TRPM2: variants seen among roughly 807,000 people sequenced by gnomAD.
TRPM2 encodes the protein estrogen-responsive element-associated gene 1 protein.
In TRPM2, 161 loss-of-function variants were observed where a neutral mutation model predicts 174.0. That is an observed-to-expected ratio of 0.93 (90% confidence interval 0.81 to 1.05). The LOEUF (loss-of-function observed/expected upper bound fraction) is 1.05, where lower values mean the gene tolerates loss of function less well. TRPM2 is among the 50% of genes least tolerant of loss of function. The pLI is 0.00. For missense variants in TRPM2, 2,057 were observed against 2,038.0 expected (o/e 1.01, Z -0.18); for synonymous variants, 954 against 861.3 (o/e 1.11, Z -1.88).
chr21:44,397,776 C>G lies in TRPM2; in HGVS notation c.1962C>G (p.Ala654=). 6.2e-7 allele frequency: 1 copy of G among 1,601,744 alleles called. No individual in the cohort carries two copies. The highest frequency in any genetic ancestry group is 8.5e-7 in the Non-Finnish European group (1 of 1,174,386). ...AGGACTGCATCGCAGCGGCCTTGGCCTGCAGCAAGATCCTGAAGGAACTGT... is the reference window on the plus strand; with the variant it reads ...AGGACTGCATCGCAGCGGCCTTGGCGTGCAGCAAGATCCTGAAGGAACTGT... The part of the protein sequence containing the change: ...QSQDCIAAAL[A]CSKILKELSK... The change falls in exon 13 of 32, where the codon GCC becomes GCG. Residue 654 remains alanine, a synonymous_variant. Transcript: ENST00000397928.
chr21:44,355,031 A>G (rs1027021579), intron 2 of TRPM2, among the ~76,000 whole-genome samples: 8 of 152,070 alleles, frequency 5.3e-5, no homozygotes, highest in African/African-American at 1.9e-4. Context: ...TGGTGTGAAC[A>G]CAGATGCATC....
At chr21:44,426,366 T>C (rs1022131434) in intron 25 of TRPM2, among the ~76,000 whole-genome samples, 2 of 152,106 alleles carry the variant, frequency 1.3e-5, no homozygotes, top group Non-Finnish European at 2.9e-5. Flanking sequence ...TCCTTGCCTC[T>C]AGGGTCCAGC....
Position 44,366,882 on chromosome 21 carries a change from G to A in TRPM2, c.552G>A (p.Pro184=). The A allele has an allele frequency of 1.9e-6, 3 of 1,612,624 alleles. No homozygotes were observed. The highest frequency in any genetic ancestry group is 2.5e-6 in the Non-Finnish European group (3 of 1,179,060). Residue 184 remains proline (P), a synonymous_variant, in exon 4 of 32, where the codon CCG becomes CCA. Transcript: ENST00000397928. This position sits in a 1 kb window ranked among gnomAD's most constrained non-coding sequence, Gnocchi z 6.0. ...GGGCCAAGAACTTCAACATGAAGCC[G>A]CGGCTGAAGAGCATTTTCCGCAGAG... ...TGGAKNFNMK[P]RLKSIFRRGL... is the part of the protein sequence containing the mutation.
chr21:44,423,771 T>TG, intron 23 of TRPM2, 39 bp downstream of exon 23: 1 of 1,531,112 alleles, frequency 6.5e-7, no homozygotes, highest in Non-Finnish European at 8.9e-7. Context: ...GAGGTGCCAC[T>TG]GCTGGGCCTG....
chr21:44,370,455 A>G (rs563649945), intron 5 of TRPM2, among the ~76,000 whole-genome samples: 1 of 152,310 alleles, frequency 6.6e-6, no homozygotes, highest in East Asian at 1.9e-4. Context: ...ATAATGAGTC[A>G]TTCAACCAGA....
chr21:44,440,306 A>AGCCTGGGG (rs1366727069), intron 30 of TRPM2, among the ~76,000 whole-genome samples: 4 of 132,006 alleles, frequency 3.0e-5, no homozygotes, highest in African/African-American at 7.1e-5. Flanking sequence ...ACTGCGCTCA[A>AGCCTGGGG]AAAAAAAAAA....
chr21:44,410,350 T>C (rs111955961), intron 19 of TRPM2, among the ~76,000 whole-genome samples: 7,849 of 36,054 alleles, frequency 0.22, 1,315 homozygotes, highest in African/African-American at 0.25. Context: ...TCTTGGTTGG[T>C]GTAGCCTTGT....
Position 44,367,078 on chromosome 21 carries a change from C to A in TRPM2, c.604+144C>A. The A allele has an allele frequency of 9.9e-7, 1 of 1,006,658 alleles. No homozygotes were observed. The highest frequency in any genetic ancestry group is 1.4e-6 in the Non-Finnish European group (1 of 710,078). 62.4% of individuals were successfully genotyped at this position (1,006,658 alleles called of 1,614,324 possible). On this transcript the variant is annotated intron_variant, in intron 4 of 31. Coordinates refer to ENST00000397928, the MANE Select transcript of TRPM2 (RefSeq NM_003307.4). The surrounding 1 kb of genome is among the most constrained non-coding windows in gnomAD (Gnocchi z 4.6). Reference sequence around the variant, plus strand: ...CCCCAGCCTGAGTCGGACCCATGCACCTCTCACCTGGGCACAGCTGCTCCC... The same window carrying A: ...CCCCAGCCTGAGTCGGACCCATGCAACTCTCACCTGGGCACAGCTGCTCCC...
intron 3 of TRPM2, among the ~76,000 whole-genome samples, chr21:44,365,630 C>T (rs1439672324): frequency 6.6e-6 from 1 of 152,190 alleles, no homozygotes; most frequent in Non-Finnish European, 1.5e-5. Flanking sequence ...GGTTTGAATC[C>T]AGCTGTGTCT....
chr21:44,381,952 G>GGATAGATA lies in TRPM2; in HGVS notation c.1216-730_1216-723dup, dbSNP rs71197895. ...GAATGAATTGATATGATAGATAGATGGATAGATAGATAGATAGATAGATAG... is the reference window on the plus strand; with the variant it reads ...GAATGAATTGATATGATAGATAGATGGATAGATAGATAGATAGATAGATAGATAGATAG... On this transcript the variant is annotated intron_variant, in intron 8 of 31. Coordinates refer to ENST00000397928, the MANE Select transcript of TRPM2 (RefSeq NM_003307.4). Among the ~76,000 whole-genome samples the GGATAGATA allele has an allele frequency of 8.8e-4, 126 of 143,572 alleles. 2 individuals carry two copies. Among genetic ancestry groups the GGATAGATA allele is most frequent in the African/African-American group, 2.1e-3 (82 of 38,826 alleles). 94.2% of individuals were successfully genotyped at this position (143,572 alleles called of 152,430 possible).
At chr21:44,401,954 T>C in intron 16 of TRPM2, 57 bp downstream of exon 16, 1 of 1,591,908 alleles carries the variant, frequency 6.3e-7, no homozygotes, top group Non-Finnish European at 8.6e-7. Context: ...TTGGCTGCAT[T>C]CTCATAGGGG....
chr21:44,424,589 C>A (rs1310286135), intron 23 of TRPM2, among the ~76,000 whole-genome samples: 2 of 152,220 alleles, frequency 1.3e-5, no homozygotes, highest in Admixed American at 1.3e-4. Context: ...GTGACAGTCC[C>A]ACTGTTGTGT....
At chr21:44,428,722 G>GAGGTGTGGCTCCTCCCCTT (rs2050918668) in intron 27 of TRPM2, among the ~76,000 whole-genome samples, 1 of 122,582 alleles carries the variant, frequency 8.2e-6, no homozygotes, top group Non-Finnish European at 1.7e-5. Context: ...GCTCCTCCCT[G>GAGGTGTGGCTCCTCCCCTT]AGGTGTGGCT....
chr21:44,426,285 C>T (rs2050771883), intron 25 of TRPM2, among the ~76,000 whole-genome samples: 1 of 152,200 alleles, frequency 6.6e-6, no homozygotes, highest in Non-Finnish European at 1.5e-5. Flanking sequence ...CAGGGCTTCT[C>T]TCTGGCCTAT....
intron 23 of TRPM2, among the ~76,000 whole-genome samples, 194 bp downstream of exon 23, chr21:44,423,926 G>A (rs2050645371): frequency 6.6e-6 from 1 of 152,218 alleles, no homozygotes; most frequent in Non-Finnish European, 1.5e-5. Context: ...AAGGGTTTCT[G>A]TGACTGAGTT....
chr21:44,386,614 G>A (rs1216872236), intron 9 of TRPM2, among the ~76,000 whole-genome samples: 2 of 151,968 alleles, frequency 1.3e-5, no homozygotes, highest in Non-Finnish European at 2.9e-5. Flanking sequence ...TAAATGGAAA[G>A]ACATCCCATG....
chr21:44,382,848 G>C, intron 9 of TRPM2, 28 bp downstream of exon 9: 1 of 1,595,642 alleles, frequency 6.3e-7, no homozygotes, highest in African/African-American at 1.3e-5. Context: ...TGGGGGCAAT[G>C]GGGTGGAGGC....
chr21:44,351,255 G>C (rs1025298333), upstream of TRPM2, among the ~76,000 whole-genome samples: 1 of 152,184 alleles, frequency 6.6e-6, no homozygotes, highest in Non-Finnish European at 1.5e-5. Flanking sequence ...GATGGTGGTA[G>C]TGGTCTTCCC....
chr21:44,369,568 G>C lies in TRPM2; in HGVS notation c.771+225G>C, dbSNP rs61007379. Among the ~76,000 whole-genome samples, 68 of 64,670 alleles carry C rather than the reference G, an allele frequency of 1.1e-3. No homozygotes were observed. The East Asian group carries it at 0.011, about 11-fold the overall frequency. The allele number at this position is 64,670 out of a possible 152,430, so 42.4% of individuals were successfully genotyped here. A position where few individuals can be genotyped will look rare whatever the true frequency, so the allele number is the denominator to read the frequency against. ...TGTGCGGGGGCCGGGGTGTGGGTGA[G>C]TTCTGACCGGGTGCTGCGGGGAGCA... On this transcript the variant is annotated intron_variant, in intron 5 of 31. Transcript: ENST00000397928.
Sources: allele counts gnomAD v4.1 joint callset (sites outside exome capture counted in the v4.1 genomes callset), GRCh38; gene constraint gnomAD v4.1.1; non-coding constraint Gnocchi (gnomAD v3.1); transcripts MANE v1.5; gene names NCBI Gene and HGNC (gene_info 2026-07-23, HGNC 2026-07-21).